SHC3: variants seen among roughly 807,000 people sequenced by gnomAD.
SHC3 encodes SHC adaptor protein 3.
A neutral mutation model predicts 60.4 loss-of-function variants in SHC3; 15 were observed. The observed-to-expected ratio is 0.25, with a 90% CI of 0.17 to 0.38. The LOEUF is 0.38. Ranked by LOEUF, SHC3 falls within the 10% of genes least tolerant of loss-of-function variation. The pLI, the probability that SHC3 is intolerant of heterozygous loss-of-function variation, is 1.00. For synonymous variants in SHC3, 294 were observed against 325.9 expected (o/e 0.90, Z 1.05); for missense variants, 677 against 786.1 (o/e 0.86, Z 1.66).
At chr9:89,160,767 A>G (rs979132690) in intron 1 of SHC3, among the ~76,000 whole-genome samples, 1 of 152,210 alleles carries the variant, frequency 6.6e-6, no homozygotes, top group South Asian at 2.1e-4. Flanking sequence ...GAGAAAGGAC[A>G]GGAGAACACA....
intron 1 of SHC3, among the ~76,000 whole-genome samples, chr9:89,127,372 AT>A (rs904859523): frequency 6.6e-6 from 1 of 152,138 alleles, no homozygotes; most frequent in African/African-American, 2.4e-5. Context: ...ATTTAAAAGA[AT>A]TTTTTTAAAA....
Position 89,160,430 on chromosome 9 carries a change from C to T in SHC3, c.474+17557G>A, listed in dbSNP as rs191577350. Among the ~76,000 whole-genome samples, 456 of 152,142 alleles carry T rather than the reference C, an allele frequency of 3.0e-3. 3 individuals are homozygous for T. The highest frequency in any genetic ancestry group is 9.6e-3 in the African/African-American group (397 of 41,494). On this transcript the variant is annotated intron_variant, in intron 1 of 11. Coordinates refer to ENST00000375835, the MANE Select transcript of SHC3 (RefSeq NM_016848.6). ...CCTTTTTAGAACATAGATTTTTTTT[C>T]CCCGTTCAACTGAATTAAAAGTTCC...
At chr9:89,123,627 A>G (rs1279577621) in intron 1 of SHC3, among the ~76,000 whole-genome samples, 3 of 152,210 alleles carry the variant, frequency 2.0e-5, no homozygotes, top group African/African-American at 4.8e-5. Context: ...TGCGGGGAGT[A>G]CCGGCTGCTT....
rs1826025035 is a variant in SHC3 at position 89,012,483 on chromosome 9, G to T, written c.*964C>A. ...GGACTGAGCTCTGGGATGGGTGCCT[G>T]CTCTTGCTGTCACACAGGCTTCTCC... On this transcript the variant is annotated 3_prime_UTR_variant, in exon 12 of 12. Coordinates refer to ENST00000375835, the MANE Select transcript of SHC3 (RefSeq NM_016848.6). 1 of 152,140 alleles carries T rather than the reference G, an allele frequency of 6.6e-6. No homozygotes were observed. The highest frequency in any genetic ancestry group is 2.4e-5 in the African/African-American group (1 of 41,412). 9.4% of individuals were successfully genotyped at this position (152,140 alleles called of 1,614,324 possible).
intron 1 of SHC3, among the ~76,000 whole-genome samples, chr9:89,127,226 C>T (rs115277908): frequency 1.9e-3 from 282 of 152,218 alleles, no homozygotes; most frequent in African/African-American, 6.5e-3. Flanking sequence ...AAATTCTCTT[C>T]CCCTCCATGA....
intron 6 of SHC3, among the ~76,000 whole-genome samples, chr9:89,054,627 G>A (rs1286814640): frequency 6.6e-6 from 1 of 152,244 alleles, no homozygotes. Context: ...ACCTCTCCCT[G>A]AGGAAACAAC....
chr9:89,019,291 T>G (rs935740431), intron 11 of SHC3, among the ~76,000 whole-genome samples: 4 of 152,172 alleles, frequency 2.6e-5, no homozygotes, highest in African/African-American at 9.7e-5. Flanking sequence ...TAGGTAGAAG[T>G]CTCTAAGGTT....
At chr9:89,076,469 A>G (rs1006725029) in intron 3 of SHC3, among the ~76,000 whole-genome samples, 2 of 152,176 alleles carry the variant, frequency 1.3e-5, no homozygotes, top group African/African-American at 4.8e-5. Flanking sequence ...TTTCTCCACA[A>G]TTCAGGTTAG....
At chr9:89,077,070 G>C (rs1299945737) in intron 3 of SHC3, among the ~76,000 whole-genome samples, 1 of 151,878 alleles carries the variant, frequency 6.6e-6, no homozygotes, top group South Asian at 2.1e-4. Flanking sequence ...CCAGCTACTC[G>C]GGAGGCTGAG....
intron 1 of SHC3, among the ~76,000 whole-genome samples, chr9:89,142,862 T>C (rs1826415011): frequency 6.6e-6 from 1 of 152,008 alleles, no homozygotes; most frequent in South Asian, 2.1e-4. Flanking sequence ...CTCCTCAGTA[T>C]CATACCTTTG....
chr9:89,126,745 T>C (rs1826171040), intron 1 of SHC3, among the ~76,000 whole-genome samples: 1 of 152,204 alleles, frequency 6.6e-6, no homozygotes, highest in Non-Finnish European at 1.5e-5. Context: ...TTATCTCTTC[T>C]GTAAAGTTTT....
chr9:89,092,418 C>T (rs1825635191), intron 2 of SHC3, among the ~76,000 whole-genome samples: 1 of 152,056 alleles, frequency 6.6e-6, no homozygotes, highest in Non-Finnish European at 1.5e-5. Context: ...GAGATAAAGA[C>T]CATCCTGGCT....
chr9:89,159,619 C>T lies in SHC3; in HGVS notation c.474+18368G>A, dbSNP rs188327449. On this transcript the variant is annotated intron_variant, in intron 1 of 11. Transcript: ENST00000375835. Reference sequence around the variant, plus strand: ...GGAGTTTATAAAGTATTAACTCGCACGATCACAAGGTCCCACAATAGGCTG... The same window carrying T: ...GGAGTTTATAAAGTATTAACTCGCATGATCACAAGGTCCCACAATAGGCTG... 1.3e-3 allele frequency among the ~76,000 whole-genome samples: 199 copies of T among 152,180 alleles called. 1 individual carries two copies. Among genetic ancestry groups the T allele is most frequent in the African/African-American group, 4.0e-3 (168 of 41,508 alleles).
At chr9:89,014,967 C>G (rs887082550) in intron 11 of SHC3, among the ~76,000 whole-genome samples, 1 of 152,196 alleles carries the variant, frequency 6.6e-6, no homozygotes, top group African/African-American at 2.4e-5. Context: ...CCCTCTCCCC[C>G]CATCTCTGTA....
intron 1 of SHC3, among the ~76,000 whole-genome samples, chr9:89,135,476 G>A (rs886836521): frequency 2.6e-5 from 4 of 152,012 alleles, no homozygotes; most frequent in Non-Finnish European, 5.9e-5. Flanking sequence ...AATTTAAAAA[G>A]CATATTTAAA....
At position 89,047,003 on chromosome 9, in the gene SHC3, G is replaced by A. The variant is rs1485100248; in HGVS notation, c.963-9C>T. 16 of 1,550,058 alleles carry A rather than the reference G, an allele frequency of 1.0e-5. No homozygotes were observed. The highest frequency in any genetic ancestry group is 1.3e-5 in the Non-Finnish European group (15 of 1,149,410). On this transcript the variant is annotated splice_polypyrimidine_tract_variant and intron_variant, in intron 7 of 11. Transcript: ENST00000375835. ...CATCCAGACTCTGCATTCTGTTAAA[G>A]GAAGATTTCCAAGGGCTTTAGCCAA...
At chr9:89,177,663 C>G (rs866011674) in intron 1 of SHC3, among the ~76,000 whole-genome samples, 2 of 152,216 alleles carry the variant, frequency 1.3e-5, no homozygotes, top group Non-Finnish European at 2.9e-5. Flanking sequence ...CCCCGCTGCC[C>G]AGGGTTGGGC....
At chr9:89,063,494 C>A (rs1825125921) in intron 6 of SHC3, among the ~76,000 whole-genome samples, 1 of 152,216 alleles carries the variant, frequency 6.6e-6, no homozygotes, top group Admixed American at 6.5e-5. Context: ...GCACTGGACA[C>A]ATCTACTCTG....
intron 1 of SHC3, among the ~76,000 whole-genome samples, chr9:89,151,909 C>T (rs1344400023): frequency 2.0e-5 from 3 of 151,862 alleles, no homozygotes; most frequent in Admixed American, 6.6e-5. Flanking sequence ...ATGTATTGCC[C>T]TAATAAAAGA....
Sources: allele counts gnomAD v4.1 joint callset (sites outside exome capture counted in the v4.1 genomes callset), GRCh38; gene constraint gnomAD v4.1.1; transcripts MANE v1.5; gene names NCBI Gene and HGNC (gene_info 2026-07-23, HGNC 2026-07-21).